NDEL1: variants seen among roughly 807,000 people sequenced by gnomAD.
The protein encoded by NDEL1 is nudE neurodevelopment protein 1 like 1.
NDEL1 carries 9 observed loss-of-function variants against 45.7 expected under a neutral mutation model. That is an observed-to-expected ratio of 0.20 (90% confidence interval 0.12 to 0.34). The LOEUF (loss-of-function observed/expected upper bound fraction) is 0.34. Ranked by LOEUF, NDEL1 falls within the 10% of genes least tolerant of loss-of-function variation. The pLI is 1.00. For missense variants in NDEL1, 306 were observed against 406.2 expected (o/e 0.75, Z 2.12); for synonymous variants, 133 against 158.6 (o/e 0.84, Z 1.21).
chr17:8,444,566 A>C (rs975105433), intron 2 of NDEL1: 4 of 425,108 alleles, frequency 9.4e-6, no homozygotes, highest in Non-Finnish European at 1.7e-5. Flanking sequence ...TTATTAAAAT[A>C]GTAGGAAAAC....
intron 8 of NDEL1, among the ~76,000 whole-genome samples, chr17:8,462,162 C>G (rs1329224752): frequency 2.0e-5 from 3 of 151,846 alleles, no homozygotes; most frequent in Non-Finnish European, 4.4e-5. Flanking sequence ...ACTTCCTGAG[C>G]TGAACCCGGA....
intron 1 of NDEL1, among the ~76,000 whole-genome samples, chr17:8,420,542 C>A (rs781436455): frequency 6.6e-6 from 1 of 152,212 alleles, no homozygotes; most frequent in Non-Finnish European, 1.5e-5. Flanking sequence ...TACAAAGTCA[C>A]CACTGGCCAC....
downstream of NDEL1, among the ~76,000 whole-genome samples, chr17:8,472,160 CGGCCTCT>C (rs1911851886): frequency 6.6e-6 from 1 of 152,162 alleles, no homozygotes; most frequent in African/African-American, 2.4e-5. Context: ...TCAGCAGCAC[CGGCCTCT>C]GGGGAGAAGG....
At chr17:8,466,232 A>G (rs1396248787) in intron 8 of NDEL1, 7 of 152,230 alleles carry the variant, frequency 4.6e-5, no homozygotes, top group South Asian at 2.1e-4. Context: ...AGAGGGAAGA[A>G]AAGTAACGAT....
chr17:8,415,908 C>T lies in NDEL1; in HGVS notation c.-13+2639C>T, dbSNP rs186624012. On this transcript the variant is annotated intron_variant, in intron 1 of 4. Coordinates refer to the NDEL1 transcript ENST00000582812. ...GATTACAGGCGCCTGCCACCATGTC[C>T]GGCTACTTTTTTGTATTTTTAGTAG... Among the ~76,000 whole-genome samples, 763 of 152,176 alleles carry T rather than the reference C, an allele frequency of 5.0e-3. 2 individuals carry two copies. Among genetic ancestry groups the T allele is most frequent in the Middle Eastern group, 0.017 (5 of 294 alleles).
At chr17:8,454,563 T>G (rs1489993891) in intron 6 of NDEL1, among the ~76,000 whole-genome samples, 4 of 152,208 alleles carry the variant, frequency 2.6e-5, no homozygotes, top group Non-Finnish European at 4.4e-5. Context: ...GTCTAGATGT[T>G]TAAGAGTATA....
intron 4 of NDEL1, 82 bp from the exon 5 acceptor site, chr17:8,448,468 A>G (rs926825187): frequency 1.2e-5 from 17 of 1,430,742 alleles, no homozygotes; most frequent in Non-Finnish European, 3.8e-6. Context: ...AAATGTCACG[A>G]GATAAACTGA....
At chr17:8,468,402 A>G (rs971103853), downstream of NDEL1, among the ~76,000 whole-genome samples, 2 of 152,206 alleles carry the variant, frequency 1.3e-5, no homozygotes, top group African/African-American at 4.8e-5. Context: ...CCTGGGCCCC[A>G]TGTGAAAATC....
At chr17:8,463,314 T>C in intron 8 of NDEL1, 1 of 1,611,164 alleles carries the variant, frequency 6.2e-7, no homozygotes, top group East Asian at 2.2e-5. Context: ...TCCTTTCTTT[T>C]ATTAGGCAAG....
chr17:8,434,445 G>A (rs1754434409), upstream of NDEL1, among the ~76,000 whole-genome samples: 1 of 151,994 alleles, frequency 6.6e-6, no homozygotes, highest in Non-Finnish European at 1.5e-5. Context: ...TCGAAGTCCT[G>A]GCCTCAGGTG....
chr17:8,463,388 T>C, intron 8 of NDEL1: 1 of 1,599,952 alleles, frequency 6.3e-7, no homozygotes, highest in Non-Finnish European at 8.6e-7. Flanking sequence ...TCTTTTTCAT[T>C]CTTTCTTAAT....
At chr17:8,439,067 G>A (rs754902653) in intron 1 of NDEL1, among the ~76,000 whole-genome samples, 2 of 151,384 alleles carry the variant, frequency 1.3e-5, no homozygotes, top group African/African-American at 4.9e-5. Flanking sequence ...TCAGCCTCCC[G>A]AGTAGCTGGG....
At chr17:8,427,338 C>T (rs1311205849) in intron 1 of NDEL1, among the ~76,000 whole-genome samples, 1 of 152,146 alleles carries the variant, frequency 6.6e-6, no homozygotes, top group Admixed American at 6.5e-5. Flanking sequence ...CTGTTTGTGG[C>T]TGGCTGGGTC....
chr17:8,426,449 T>G (rs1908834486), intron 1 of NDEL1, among the ~76,000 whole-genome samples: 2 of 152,150 alleles, frequency 1.3e-5, no homozygotes, highest in Non-Finnish European at 2.9e-5. Context: ...ACATATCATT[T>G]TTTCCCAGGG....
Position 8,454,805 on chromosome 17 carries a change from A to G in NDEL1, c.710A>G (p.Asn237Ser). The G allele has an allele frequency of 6.2e-7, 1 of 1,612,954 alleles. No individual in the cohort carries two copies. The highest frequency in any genetic ancestry group is 8.5e-7 in the Non-Finnish European group (1 of 1,179,510). Residue 237 changes from asparagine (N) to serine (S), a missense_variant, in exon 7 of 9, where the codon AAT (asparagine) becomes AGT (serine). Around this residue, in one of 3 missense-constraint regions of NDEL1, gnomAD observed 175 missense variants for 205.2 expected, o/e 0.85. Coordinates refer to ENST00000334527, the MANE Select transcript of NDEL1 (RefSeq NM_030808.5). ...TTTTATTTTTCTCTAGCTATACCAA[A>G]TGGTTTTGGTACCAGTCCACTAACT... is the stretch of plus-strand genomic sequence containing the variant. ...NTFPSPKAIPNGFGTSPLTPS... is the reference protein window; with the variant it reads ...NTFPSPKAIPSGFGTSPLTPS...
At chr17:8,472,651 C>T (rs371890120), downstream of NDEL1, among the ~76,000 whole-genome samples, 10 of 151,780 alleles carry the variant, frequency 6.6e-5, no homozygotes, top group East Asian at 5.8e-4. Context: ...AGACAGAGCG[C>T]GACTCTGTCT....
intron 1 of NDEL1, among the ~76,000 whole-genome samples, chr17:8,423,650 C>G (rs1329304936): frequency 6.6e-6 from 1 of 152,162 alleles, no homozygotes; most frequent in African/African-American, 2.4e-5. Context: ...GGCCACTGCA[C>G]TCCAGTCTGG....
At chr17:8,474,113 G>T (rs1162559842) in intron 3 of NDEL1, 1 of 152,558 alleles carries the variant, frequency 6.6e-6, no homozygotes, top group Non-Finnish European at 1.5e-5. Flanking sequence ...CAGCAAAAAG[G>T]GCCTGGCGCC....
chr17:8,423,603 G>A (rs1567719889), intron 1 of NDEL1, among the ~76,000 whole-genome samples: 1 of 152,172 alleles, frequency 6.6e-6, no homozygotes, highest in Non-Finnish European at 1.5e-5. Flanking sequence ...AGAATTGCTT[G>A]AACACAGGAG....
Sources: gnomAD v4.1 joint callset for allele counts (sites outside exome capture counted in the v4.1 genomes callset) on GRCh38, gnomAD v4.1.1 for gene constraint, gnomAD v4.1.1 regional missense constraint, MANE v1.5 for transcripts, NCBI Gene and HGNC (gene_info 2026-07-23, HGNC 2026-07-21) for gene names.